ARHGAP15: variants seen among roughly 807,000 people sequenced by gnomAD.
ARHGAP15 encodes rho GTPase-activating protein 15.
In ARHGAP15, 51 loss-of-function variants were observed where a neutral mutation model predicts 63.7. The ratio of observed to expected loss-of-function variants is 0.80; its 90% CI spans 0.64 to 1.01. ARHGAP15 has a LOEUF of 1.01. ARHGAP15 is among the 50% of genes least tolerant of loss of function. The pLI is 0.00. For synonymous variants in ARHGAP15, 191 were observed against 193.8 expected, an observed-to-expected ratio of 0.99 and a Z score of 0.12; for missense variants, 560 against 564.6, an observed-to-expected ratio of 0.99 and a Z score of 0.08.
At chr2:143,650,935 T>C (rs1394387413) in intron 12 of ARHGAP15, among the ~76,000 whole-genome samples, 1 of 151,990 alleles carries the variant, frequency 6.6e-6, no homozygotes, top group South Asian at 2.1e-4. Flanking sequence ...GCATTTTTGC[T>C]GTGCTAAAGT....
chr2:143,520,528 G>A (rs939090241), intron 10 of ARHGAP15, among the ~76,000 whole-genome samples: 6 of 152,152 alleles, frequency 3.9e-5, no homozygotes, highest in African/African-American at 1.4e-4. Flanking sequence ...AGAGAGTACA[G>A]TGAGAGTAGA....
intron 2 of ARHGAP15, among the ~76,000 whole-genome samples, chr2:143,173,370 G>GT (rs1690876917): frequency 6.6e-6 from 1 of 151,898 alleles, no homozygotes; most frequent in Non-Finnish European, 1.5e-5. Context: ...TATTGTAAAT[G>GT]TTTTTTCGTC....
chr2:143,644,364 C>T (rs1680762356), intron 12 of ARHGAP15, among the ~76,000 whole-genome samples: 1 of 151,976 alleles, frequency 6.6e-6, no homozygotes. Flanking sequence ...GGGGAGAAGA[C>T]AGAAAGTTAG....
At chr2:143,201,383 C>T (rs1467221400) in intron 2 of ARHGAP15, among the ~76,000 whole-genome samples, 1 of 151,890 alleles carries the variant, frequency 6.6e-6, no homozygotes, top group African/African-American at 2.4e-5. Context: ...ATTAGGGGTA[C>T]ATAATGGGCA....
At chr2:143,360,513 AATG>A (rs915968648) in intron 6 of ARHGAP15, among the ~76,000 whole-genome samples, 2 of 152,164 alleles carry the variant, frequency 1.3e-5, no homozygotes, top group Non-Finnish European at 2.9e-5. Flanking sequence ...CAAAAAAAAA[AATG>A]ATCTTTAATA....
intron 8 of ARHGAP15, among the ~76,000 whole-genome samples, chr2:143,467,030 C>T (rs144453743): frequency 5.3e-5 from 8 of 152,158 alleles, no homozygotes; most frequent in African/African-American, 1.9e-4. Context: ...TTTAATTTCT[C>T]GTGTTTTTCA....
chr2:143,354,690 A>G (rs753437327), intron 6 of ARHGAP15, among the ~76,000 whole-genome samples: 2 of 152,198 alleles, frequency 1.3e-5, no homozygotes, highest in Non-Finnish European at 2.9e-5. Flanking sequence ...ATATATTAAT[A>G]TAATATGTAA....
intron 9 of ARHGAP15, among the ~76,000 whole-genome samples, chr2:143,494,858 T>G (rs982353388): frequency 2.0e-5 from 3 of 152,204 alleles, no homozygotes; most frequent in African/African-American, 7.2e-5. Flanking sequence ...TGCTTTATAT[T>G]CTCTTGATAA....
chr2:143,396,802 G>A (rs1655802334), intron 6 of ARHGAP15, among the ~76,000 whole-genome samples: 2 of 151,938 alleles, frequency 1.3e-5, no homozygotes, highest in Admixed American at 1.3e-4. Flanking sequence ...TCAATACCCA[G>A]GACCTTTCCC....
intron 6 of ARHGAP15, among the ~76,000 whole-genome samples, chr2:143,434,111 T>C (rs1689503427): frequency 6.6e-6 from 1 of 152,112 alleles, no homozygotes; most frequent in South Asian, 2.1e-4. Flanking sequence ...TGAGCCATCC[T>C]AAATCTTATA....
At chr2:143,518,825 T>A (rs983499815) in intron 9 of ARHGAP15, 1 of 155,438 alleles carries the variant, frequency 6.4e-6, no homozygotes, top group African/African-American at 2.4e-5. Flanking sequence ...TGCCTCCTCA[T>A]ATACTATTGA....
intron 4 of ARHGAP15, among the ~76,000 whole-genome samples, chr2:143,224,206 AT>A (rs910549740): frequency 3.3e-5 from 5 of 152,212 alleles, no homozygotes; most frequent in Non-Finnish European, 7.3e-5. Context: ...TTAGGAAAAA[AT>A]ATCCTATATC....
At chr2:143,217,160 G>A (rs571648718) in intron 4 of ARHGAP15, among the ~76,000 whole-genome samples, 5 of 152,222 alleles carry the variant, frequency 3.3e-5, no homozygotes, top group South Asian at 4.1e-4. Flanking sequence ...ACTCTTAAAT[G>A]TATTACTAAC....
At chr2:143,541,980 G>T (rs1010617903) in intron 10 of ARHGAP15, among the ~76,000 whole-genome samples, 1 of 152,348 alleles carries the variant, frequency 6.6e-6, no homozygotes. Context: ...CAGAGGTGGA[G>T]CCTACAGAGG....
chr2:143,645,107 A>G (rs1000181801), intron 12 of ARHGAP15, among the ~76,000 whole-genome samples: 4 of 152,160 alleles, frequency 2.6e-5, no homozygotes, highest in Admixed American at 2.0e-4. Context: ...CAGAGCATTA[A>G]GAAATAATCA....
At chr2:143,263,495 T>C (rs557278415) in intron 6 of ARHGAP15, among the ~76,000 whole-genome samples, 4 of 152,246 alleles carry the variant, frequency 2.6e-5, no homozygotes, top group Admixed American at 2.6e-4. Context: ...GAAAAAGCCA[T>C]GATGTTGAGT....
chr2:143,750,127 G>A (rs1322418476), intron 13 of ARHGAP15, among the ~76,000 whole-genome samples: 3 of 152,220 alleles, frequency 2.0e-5, no homozygotes, highest in Non-Finnish European at 4.4e-5. Flanking sequence ...AGAAAGAAAT[G>A]TAATCACATA....
chr2:143,432,643 A>G (rs967107807), intron 6 of ARHGAP15, among the ~76,000 whole-genome samples: 3 of 152,068 alleles, frequency 2.0e-5, no homozygotes, highest in Non-Finnish European at 4.4e-5. Context: ...ACACGCTTCT[A>G]TAATTTCCTG....
intron 2 of ARHGAP15, among the ~76,000 whole-genome samples, chr2:143,194,977 T>G (rs1691832711): frequency 1.3e-5 from 2 of 152,174 alleles, no homozygotes; most frequent in South Asian, 4.1e-4. Context: ...TGAAGCTGAG[T>G]TAAAGTCAGC....
Sources: gnomAD v4.1 joint callset for allele counts (sites outside exome capture counted in the v4.1 genomes callset) on GRCh38, gnomAD v4.1.1 for gene constraint, MANE v1.5 for transcripts, NCBI Gene and HGNC (gene_info 2026-07-23, HGNC 2026-07-21) for gene names.